C1orf167: variants seen among roughly 807,000 people sequenced by gnomAD.
C1orf167 encodes the protein chromosome 1 open reading frame 167.
A neutral mutation model predicts 176.5 loss-of-function variants in C1orf167; 153 were observed. That is an observed-to-expected ratio of 0.87 (90% CI 0.76 to 0.99). C1orf167 has a LOEUF of 0.99. Ranked by LOEUF, C1orf167 falls within the 50% of genes least tolerant of loss-of-function variation. C1orf167 has a pLI of 0.00. For missense variants in C1orf167, 1,490 were observed against 1,817.7 expected, an observed-to-expected ratio of 0.82 and a Z score of 3.28; for synonymous variants, 594 against 752.7, an observed-to-expected ratio of 0.79 and a Z score of 3.45.
chr1:11,784,322 G>T lies in C1orf167; in HGVS notation c.3154G>T (p.Glu1052Ter). 7.7e-7 allele frequency: 1 copy of T among 1,303,832 alleles called. No individual in the cohort carries two copies. The highest frequency in any genetic ancestry group is 1.0e-6 in the Non-Finnish European group (1 of 988,748). 80.8% of individuals were successfully genotyped at this position (1,303,832 alleles called of 1,614,324 possible). Residue 1052 changes from glutamate to a stop codon, truncating the protein, a stop_gained, in exon 15 of 21, where the codon GAG becomes TAG. Transcript: ENST00000688073. LOFTEE classifies it high-confidence loss of function. ...CCAGGAAGTGGCAGCCGGGGCACAGGAGCAGCGTGTGGCCCAGGCCTCCCT... is the reference window on the plus strand; with the variant it reads ...CCAGGAAGTGGCAGCCGGGGCACAGTAGCAGCGTGTGGCCCAGGCCTCCCT... ...EAQEVAAGAQ[E>*]QRVAQASLAR...
At chr1:11,771,992 C>T in intron 7 of C1orf167, 90 bp from the exon 8 acceptor site, 1 of 1,023,530 alleles carries the variant, frequency 9.8e-7, no homozygotes, top group Non-Finnish European at 1.3e-6. Context: ...TGCCCTGCGA[C>T]AGGCACCCCA....
chr1:11,769,908 G>A (rs1478074761), intron 6 of C1orf167, among the ~76,000 whole-genome samples: 2 of 151,948 alleles, frequency 1.3e-5, no homozygotes, highest in Non-Finnish European at 2.9e-5. Flanking sequence ...CACCTGCCTC[G>A]GCCTCCCAAA....
chr1:11,787,729 C>A, intron 17 of C1orf167, 144 bp from the exon 18 acceptor site: 1 of 1,121,214 alleles, frequency 8.9e-7, no homozygotes, highest in Middle Eastern at 4.1e-4. Context: ...AGGCTGGAGG[C>A]CTGGGGAGAT....
chr1:11,771,425 A>C, intron 6 of C1orf167, 99 bp from the exon 7 acceptor site: 1 of 619,046 alleles, frequency 1.6e-6, no homozygotes, highest in Non-Finnish European at 2.6e-6. Flanking sequence ...CCCTGCTCCC[A>C]AGGGCAGACC....
In C1orf167 at chr1:11,766,886, A is replaced by G; in HGVS notation, c.1100A>G (p.Gln367Arg). ...CSPWSQDGRAQRGDPSLPRGV... is the reference protein window; with the variant it reads ...CSPWSQDGRARRGDPSLPRGV... ...CCCTGGTCTCAAGATGGCAGGGCAC[A>G]GAGGGGTGACCCCAGTCTCCCTCGA... Residue 367 changes from glutamine (Q) to arginine (R), a missense_variant, in exon 3 of 21, where the codon CAG (glutamine) becomes CGG (arginine). Gln to Arg is a conservative substitution (Grantham distance 43). Transcript: ENST00000688073. This position sits in a 1 kb window ranked among gnomAD's most constrained non-coding sequence, Gnocchi z 4.5. 3 of 1,260,828 alleles carry G rather than the reference A, an allele frequency of 2.4e-6. No individual in the cohort carries two copies. The highest frequency in any genetic ancestry group is 3.1e-6 in the Non-Finnish European group (3 of 973,074). The allele number at this position is 1,260,828 out of a possible 1,614,324, so 78.1% of individuals were successfully genotyped here. A position where few individuals can be genotyped will look rare whatever the true frequency, so the allele number is the denominator to read the frequency against.
At chr1:11,785,531 CTCAG>C (rs942108325) in intron 16 of C1orf167, among the ~76,000 whole-genome samples, 1 of 152,228 alleles carries the variant, frequency 6.6e-6, no homozygotes, top group Non-Finnish European at 1.5e-5. Flanking sequence ...CTCCCCAGTT[CTCAG>C]TCAGCCTCTG....
chr1:11,783,928 G>T (rs1381721938), intron 14 of C1orf167, among the ~76,000 whole-genome samples: 1 of 152,150 alleles, frequency 6.6e-6, no homozygotes, highest in African/African-American at 2.4e-5. Context: ...CGCGATCTCG[G>T]CTTACTGCAA....
intron 12 of C1orf167, chr1:11,779,333 A>G (rs548420245): frequency 8.3e-6 from 2 of 239,652 alleles, no homozygotes; most frequent in African/African-American, 2.3e-5. Flanking sequence ...AGCACAATGC[A>G]TAAGAGTTGG....
In C1orf167 at chr1:11,766,443, G is replaced by T. The variant is rs1322760085; in HGVS notation, c.657G>T (p.Glu219Asp). The T allele has an allele frequency of 7.8e-7, 1 of 1,285,842 alleles. No individual in the cohort carries two copies. Among genetic ancestry groups the T allele is most frequent in the East Asian group, 5.6e-5 (1 of 17,994 alleles). The allele number at this position is 1,285,842 out of a possible 1,614,324, so 79.7% of individuals were successfully genotyped here. A position where few individuals can be genotyped will look rare whatever the true frequency, so the allele number is the denominator to read the frequency against. The change falls in exon 3 of 21, where the codon GAG (glutamate) becomes GAT (aspartate). Residue 219 changes from glutamate to aspartate, a missense_variant. By Grantham distance (45) the Glu-to-Asp change is conservative. Coordinates refer to ENST00000688073, the MANE Select transcript of C1orf167 (RefSeq NM_001010881.2). This position sits in a 1 kb window ranked among gnomAD's most constrained non-coding sequence, Gnocchi z 4.5. ...SRLVGEPLTL[E>D]DLAVPSQNQT... ...TGGTGGGGGAACCTCTCACCCTGGA[G>T]GACCTGGCTGTCCCCAGTCAGAACC...
chr1:11,785,078 A>C, intron 15 of C1orf167, 70 bp from the exon 16 acceptor site: 3 of 1,177,330 alleles, frequency 2.5e-6, no homozygotes, highest in Non-Finnish European at 3.3e-6. Context: ...CCCGCAGGGC[A>C]CTGGGGGGGC....
chr1:11,771,989 C>A, intron 7 of C1orf167, 93 bp from the exon 8 acceptor site: 1 of 1,021,338 alleles, frequency 9.8e-7, no homozygotes, highest in Non-Finnish European at 1.3e-6. Flanking sequence ...GGGTGCCCTG[C>A]GACAGGCACC....
intron 6 of C1orf167, among the ~76,000 whole-genome samples, chr1:11,769,861 C>CG (rs905349245): frequency 1.3e-5 from 2 of 151,850 alleles, no homozygotes; most frequent in African/African-American, 4.8e-5. Flanking sequence ...TTAGTAGAGA[C>CG]GGGGTTTCAC....
In C1orf167 at chr1:11,785,165, T is replaced by C. The variant is rs55867221; in HGVS notation, c.3443T>C (p.Val1148Ala). The C allele has an allele frequency of 0.11, 140,314 of 1,291,038 alleles. 8,128 individuals carry two copies. Among genetic ancestry groups the C allele is most frequent in the South Asian group, 0.17 (14,072 of 80,956 alleles). The allele number at this position is 1,291,038 out of a possible 1,614,324, so 80.0% of individuals were successfully genotyped here. Residue 1148 changes from valine to alanine, a missense_variant, in exon 16 of 21, where the codon GTG becomes GCG. By Grantham distance (64) the Val-to-Ala change is moderately conservative. Transcript: ENST00000688073. ...KPRAWVLEAS[V>A]QSAVRGGVQR... The stretch of plus-strand genomic sequence containing the variant: ...TCCCGCAGGGTCCTAGAGGCCTCGG[T>C]GCAGTCGGCGGTGCGCGGCGGTGTC...
In C1orf167 at chr1:11,782,317, C is replaced by G; in HGVS notation, c.2989C>G (p.Gln997Glu). ...GAGATGCACAGTGACCCGGCCAGAGCAGCTGCTACTGCAGAGGTGGGTGGG... is the reference window on the plus strand; with the variant it reads ...GAGATGCACAGTGACCCGGCCAGAGGAGCTGCTACTGCAGAGGTGGGTGGG... ...HQRCTVTRPE[Q>E]LLLQSYFQAW... The change falls in exon 14 of 21, where the codon CAG becomes GAG. Residue 997 changes from glutamine (Q) to glutamate (E), a missense_variant. Transcript: ENST00000688073. The G allele has an allele frequency of 1.5e-5, 19 of 1,275,392 alleles. No homozygotes were observed. Among genetic ancestry groups the G allele is most frequent in the Non-Finnish European group, 1.8e-5 (18 of 976,594 alleles). The allele number at this position is 1,275,392 out of a possible 1,614,324, so 79.0% of individuals were successfully genotyped here.
At chr1:11,787,826 C>A in intron 17 of C1orf167, 47 bp from the exon 18 acceptor site, 1 of 1,186,188 alleles carries the variant, frequency 8.4e-7, no homozygotes, top group Non-Finnish European at 1.1e-6. Flanking sequence ...GAGCAGCTGC[C>A]TTCCTGGACC....
intron 8 of C1orf167, among the ~76,000 whole-genome samples, chr1:11,772,894 C>CATT (rs1553179315): frequency 1.0e-3 from 67 of 66,256 alleles, no homozygotes; most frequent in Non-Finnish European, 1.7e-3. Context: ...TATTATGGGG[C>CATT]ATTATTATTA....
intron 15 of C1orf167, among the ~76,000 whole-genome samples, 181 bp downstream of exon 15, chr1:11,784,774 C>T (rs139412854): frequency 6.6e-5 from 10 of 152,294 alleles, no homozygotes; most frequent in African/African-American, 1.2e-4. Context: ...ATCCTGACAC[C>T]GCCTCTTGCT....
chr1:11,782,577 G>T (rs780453936), intron 14 of C1orf167, among the ~76,000 whole-genome samples: 5 of 152,178 alleles, frequency 3.3e-5, no homozygotes, highest in Non-Finnish European at 7.4e-5. Context: ...AGCCCCGGGA[G>T]TCCAGCTCCT....
At chr1:11,779,248 G>A in intron 12 of C1orf167, 168 bp downstream of exon 12, 3 of 529,318 alleles carry the variant, frequency 5.7e-6, no homozygotes, top group Non-Finnish European at 8.3e-6. Flanking sequence ...GTGTCGGGGA[G>A]TGGTGAGGCA....
Sources: gnomAD v4.1 joint callset for allele counts (sites outside exome capture counted in the v4.1 genomes callset) on GRCh38, gnomAD v4.1.1 for gene constraint, Gnocchi (gnomAD v3.1) non-coding constraint, MANE v1.5 for transcripts, NCBI Gene and HGNC (gene_info 2026-07-23, HGNC 2026-07-21) for gene names.